Variants in RAB22A observed in about 807,000 individuals in gnomAD.
RAB22A encodes ras-related protein Rab-22A.
Under a neutral mutation model 30.2 loss-of-function variants are expected in RAB22A, and 13 were observed. The ratio of observed to expected loss-of-function variants is 0.43; its 90% CI spans 0.28 to 0.68. The LOEUF is 0.68. Among genes scored for constraint, RAB22A ranks in the 30% least tolerant of loss-of-function variants. The pLI is 0.18. For missense variants in RAB22A, 177 were observed against 246.8 expected (o/e 0.72, Z 1.89); for synonymous variants, 89 against 87.2 (o/e 1.02, Z -0.11).
chr20:58,321,897 C>A (rs1350095560), intron 2 of RAB22A, among the ~76,000 whole-genome samples: 3 of 152,192 alleles, frequency 2.0e-5, no homozygotes, highest in Non-Finnish European at 4.4e-5. Context: ...ACTTCCCAGA[C>A]TCAAGTGATC....
chr20:58,309,927 C>A lies in RAB22A; in HGVS notation c.-50C>A, dbSNP rs781257434. On this transcript the variant is annotated 5_prime_UTR_variant, in exon 1 of 7. Coordinates refer to ENST00000244040, the MANE Select transcript of RAB22A (RefSeq NM_020673.3). Reference sequence around the variant, plus strand: ...GATGCTCTTGCTGGGCCTGGCCTCTCCCTTCTCAACTTAGGGCGGCGGCGG... The same window carrying A: ...GATGCTCTTGCTGGGCCTGGCCTCTACCTTCTCAACTTAGGGCGGCGGCGG... 2.7e-5 allele frequency: 34 copies of A among 1,255,482 alleles called. No individual in the cohort carries two copies. The highest frequency in any genetic ancestry group is 3.7e-5 in the South Asian group (1 of 27,216). 77.8% of individuals were successfully genotyped at this position (1,255,482 alleles called of 1,614,324 possible).
chr20:58,326,227 T>G (rs1986567414), intron 2 of RAB22A, among the ~76,000 whole-genome samples: 1 of 152,132 alleles, frequency 6.6e-6, no homozygotes, highest in African/African-American at 2.4e-5. Flanking sequence ...ATAACGTAGA[T>G]TCCATATAAG....
chr20:58,317,076 G>T (rs2122925543), intron 2 of RAB22A, among the ~76,000 whole-genome samples: 1 of 152,244 alleles, frequency 6.6e-6, no homozygotes, highest in African/African-American at 2.4e-5. Context: ...TTGCTAGCTA[G>T]TTAACCCTGG....
At chr20:58,339,967 C>T (rs546225001) in intron 2 of RAB22A, among the ~76,000 whole-genome samples, 1 of 152,218 alleles carries the variant, frequency 6.6e-6, no homozygotes, top group Admixed American at 6.5e-5. Context: ...CATGTCTCAC[C>T]CTGAATCCAG....
chr20:58,330,548 T>C (rs1424161141), intron 2 of RAB22A, among the ~76,000 whole-genome samples: 2 of 152,188 alleles, frequency 1.3e-5, no homozygotes, highest in Admixed American at 1.3e-4. Flanking sequence ...AGATTTTAGA[T>C]TTTCGTATCT....
At chr20:58,320,309 T>C (rs1986427431) in intron 2 of RAB22A, among the ~76,000 whole-genome samples, 1 of 152,256 alleles carries the variant, frequency 6.6e-6, no homozygotes, top group African/African-American at 2.4e-5. Context: ...CTATTTCTTC[T>C]TGAGTAAGTT....
chr20:58,311,066 T>G lies in RAB22A; in HGVS notation c.60T>G (p.Ser20Arg), dbSNP rs1333143776. 1 of 1,606,330 alleles carries G rather than the reference T, an allele frequency of 6.2e-7. No homozygotes were observed. Among genetic ancestry groups the G allele is most frequent in the Non-Finnish European group, 8.5e-7 (1 of 1,173,020 alleles). ...LLGDTGVGKSSIVWRFVEDSF... is the reference protein window; with the variant it reads ...LLGDTGVGKSRIVWRFVEDSF... Reference sequence around the variant, plus strand: ...AGGATACAGGTGTAGGTAAATCGAGTATTGTGTGGCGGTTTGTGGAAGACA... The same window carrying G: ...AGGATACAGGTGTAGGTAAATCGAGGATTGTGTGGCGGTTTGTGGAAGACA... Residue 20 changes from serine (S) to arginine (R), a missense_variant, in exon 2 of 7, where the codon AGT becomes AGG. Transcript: ENST00000244040.
chr20:58,352,600 A>C (rs1263295046), intron 3 of RAB22A, among the ~76,000 whole-genome samples: 3 of 152,240 alleles, frequency 2.0e-5, no homozygotes, highest in Non-Finnish European at 4.4e-5. Flanking sequence ...CTTGCTGTTC[A>C]AATGGTTATT....
chr20:58,335,916 T>C (rs1158352870), intron 2 of RAB22A, among the ~76,000 whole-genome samples: 1 of 152,224 alleles, frequency 6.6e-6, no homozygotes, highest in Non-Finnish European at 1.5e-5. Flanking sequence ...AAGTTGTCCC[T>C]TTTGTCCCTT....
chr20:58,344,667 T>C (rs1015809468), intron 3 of RAB22A, among the ~76,000 whole-genome samples: 1 of 152,228 alleles, frequency 6.6e-6, no homozygotes, highest in African/African-American at 2.4e-5. Context: ...CTTAAAAGTG[T>C]ACCAGAAGTA....
chr20:58,311,259 C>T (rs1414910274), intron 2 of RAB22A, 137 bp downstream of exon 2: 1 of 821,878 alleles, frequency 1.2e-6, no homozygotes, highest in African/African-American at 1.7e-5. Context: ...TCTGGAAGGA[C>T]TTGAAAGAGT....
intron 3 of RAB22A, among the ~76,000 whole-genome samples, chr20:58,352,970 A>G (rs1987077871): frequency 6.6e-6 from 1 of 152,218 alleles, no homozygotes; most frequent in Non-Finnish European, 1.5e-5. Context: ...TGAACAAATG[A>G]ATTTGGGAAT....
At chr20:58,342,554 C>G (rs1222010872) in intron 2 of RAB22A, among the ~76,000 whole-genome samples, 1 of 151,860 alleles carries the variant, frequency 6.6e-6, no homozygotes, top group Admixed American at 6.6e-5. Flanking sequence ...TATTTCAAGG[C>G]CTCAGCATAT....
At chr20:58,341,131 G>C (rs551699896) in intron 2 of RAB22A, among the ~76,000 whole-genome samples, 1 of 152,318 alleles carries the variant, frequency 6.6e-6, no homozygotes, top group Non-Finnish European at 1.5e-5. Flanking sequence ...CTAGTTGAAA[G>C]TGTTGACTGG....
intron 2 of RAB22A, among the ~76,000 whole-genome samples, chr20:58,321,381 T>C (rs1356792568): frequency 6.6e-6 from 1 of 151,884 alleles, no homozygotes; most frequent in Non-Finnish European, 1.5e-5. Context: ...AAAAAGTCTA[T>C]TGTGGTCAGA....
rs981087680 is a variant in RAB22A at position 58,343,708 on chromosome 20, CTCTT to C, written c.117-8_117-5del. 1 of 1,595,562 alleles carries C rather than the reference CTCTT, an allele frequency of 6.3e-7. No homozygotes were observed. The highest frequency in any genetic ancestry group is 8.6e-7 in the Non-Finnish European group (1 of 1,163,416). ...AATTGTATTCTGATCATTTAGGTCT[CTCTT>C]TATAGGGCATCTTTTATGACCAAGA... On this transcript the variant is annotated splice_polypyrimidine_tract_variant and splice_region_variant and intron_variant, in intron 2 of 6. Coordinates refer to ENST00000244040, the MANE Select transcript of RAB22A (RefSeq NM_020673.3).
intron 2 of RAB22A, among the ~76,000 whole-genome samples, chr20:58,336,093 T>A (rs769535520): frequency 3.3e-5 from 5 of 152,182 alleles, no homozygotes; most frequent in Non-Finnish European, 7.4e-5. Context: ...CACTGCAACC[T>A]CCACCTCCTG....
In RAB22A at chr20:58,363,891, A is replaced by G. The variant is rs1415625930; in HGVS notation, c.*4188A>G. 2 of 152,464 alleles carry G rather than the reference A, an allele frequency of 1.3e-5. No individual in the cohort carries two copies. The highest frequency in any genetic ancestry group is 4.8e-5 in the African/African-American group (2 of 41,458). The allele number at this position is 152,464 out of a possible 1,614,324, so 9.4% of individuals were successfully genotyped here. A position where few individuals can be genotyped will look rare whatever the true frequency, so the allele number is the denominator to read the frequency against. On this transcript the variant is annotated 3_prime_UTR_variant, in exon 7 of 7. Coordinates refer to ENST00000244040, the MANE Select transcript of RAB22A (RefSeq NM_020673.3). ...ATCCATGAGATAAACATCATATTTT[A>G]TAGTTTTAGAAAAAAGGGTTGGGGG...
chr20:58,315,865 C>G (rs1986326309), intron 2 of RAB22A, among the ~76,000 whole-genome samples: 1 of 152,124 alleles, frequency 6.6e-6, no homozygotes, highest in African/African-American at 2.4e-5. Flanking sequence ...AGTCAGTTCT[C>G]CTCATTGTTG....
Sources: allele counts gnomAD v4.1 joint callset (sites outside exome capture counted in the v4.1 genomes callset), GRCh38; gene constraint gnomAD v4.1.1; transcripts MANE v1.5; gene names NCBI Gene and HGNC (gene_info 2026-07-23, HGNC 2026-07-21).